Variants in DTD1 observed in about 807,000 individuals in gnomAD.
DTD1 encodes the protein D-aminoacyl-tRNA deacylase 1.
In DTD1, 13 loss-of-function variants were observed where a neutral mutation model predicts 25.6. The ratio of observed to expected loss-of-function variants is 0.51; its 90% confidence interval spans 0.33 to 0.81. The LOEUF is 0.81. Among genes scored for constraint, DTD1 ranks in the 30% least tolerant of loss-of-function variants. DTD1 has a pLI of 0.02. For synonymous variants in DTD1, 110 were observed against 103.6 expected, an observed-to-expected ratio of 1.06 and a Z score of -0.37; for missense variants, 193 against 266.4, an observed-to-expected ratio of 0.72 and a Z score of 1.92.
rs2061373596 is a variant in DTD1, at chr20:18,764,276, A to T, written c.*936A>T. ...CAGATACCCTTTATCCAGTAGCTACATGGTTGTCCATGTATCCAAGTCACC... is the reference window on the plus strand; with the variant it reads ...CAGATACCCTTTATCCAGTAGCTACTTGGTTGTCCATGTATCCAAGTCACC... On this transcript the variant is annotated 3_prime_UTR_variant, in exon 6 of 6. Transcript: ENST00000377452. 1.3e-5 allele frequency: 2 copies of T among 152,198 alleles called. No individual in the cohort carries two copies. Among genetic ancestry groups the T allele is most frequent in the Admixed American group, 1.3e-4 (2 of 15,278 alleles). 9.4% of individuals were successfully genotyped at this position (152,198 alleles called of 1,614,324 possible). A position where few individuals can be genotyped will look rare whatever the true frequency, so the allele number is the denominator to read the frequency against.
intron 4 of DTD1, among the ~76,000 whole-genome samples, chr20:18,694,472 A>T (rs1165738267): frequency 6.6e-6 from 1 of 152,206 alleles, no homozygotes. Context: ...AGCATTGGTG[A>T]GGGCTCCAAA....
At chr20:18,598,839 C>G (rs1480449976) in intron 3 of DTD1, among the ~76,000 whole-genome samples, 2 of 151,828 alleles carry the variant, frequency 1.3e-5, no homozygotes, top group African/African-American at 4.8e-5. Flanking sequence ...CCCTAAAAAT[C>G]CTCTGTGCTC....
At chr20:18,710,386 TTAATTGACAG>T (rs914670011) in intron 4 of DTD1, among the ~76,000 whole-genome samples, 18 of 152,270 alleles carry the variant, frequency 1.2e-4, no homozygotes, top group African/African-American at 4.3e-4. Flanking sequence ...TCTTTTTTTT[TTAATTGACAG>T]TGTTTGAAGG....
chr20:18,677,230 G>A (rs1033869686), intron 4 of DTD1, among the ~76,000 whole-genome samples: 4 of 151,830 alleles, frequency 2.6e-5, no homozygotes, highest in African/African-American at 4.8e-5. Context: ...TCTACAGACC[G>A]AAAGAAAACA....
At chr20:18,625,603 C>T (rs1183941423) in intron 3 of DTD1, among the ~76,000 whole-genome samples, 1 of 152,204 alleles carries the variant, frequency 6.6e-6, no homozygotes, top group Non-Finnish European at 1.5e-5. Flanking sequence ...CACAATCCTG[C>T]GCATCCAGAT....
intron 5 of DTD1, among the ~76,000 whole-genome samples, chr20:18,763,097 G>A (rs980513559): frequency 3.9e-5 from 6 of 152,170 alleles, no homozygotes; most frequent in Non-Finnish European, 5.9e-5. Flanking sequence ...ATTTAGAAGT[G>A]TGTTCAGATA....
At chr20:18,739,432 C>T (rs1467753006) in intron 4 of DTD1, among the ~76,000 whole-genome samples, 2 of 152,160 alleles carry the variant, frequency 1.3e-5, no homozygotes, top group African/African-American at 2.4e-5. Flanking sequence ...ATCACCTGGC[C>T]CCTGGTGGTG....
Position 18,744,273 on chromosome 20 carries a change from T to C in DTD1, c.*19+2T>C. 6.2e-7 allele frequency: 1 copy of C among 1,610,220 alleles called. No homozygotes were observed. Among genetic ancestry groups the C allele is most frequent in the Non-Finnish European group, 8.5e-7 (1 of 1,179,414 alleles). On this transcript the variant is annotated splice_donor_variant, in intron 5 of 5. Transcript: ENST00000377452. LOFTEE classifies it low-confidence loss of function (3UTR_SPLICE). ...CGTAGCTCAGGAGGCAGAATTCAGG[T>C]AGGAGTTTCCCTGCTTGGCTTCATC...
At chr20:18,589,629 T>C (rs1468789398) in intron 1 of DTD1, among the ~76,000 whole-genome samples, 1 of 152,206 alleles carries the variant, frequency 6.6e-6, no homozygotes, top group Non-Finnish European at 1.5e-5. Context: ...GGAAAATTCA[T>C]AGATGAAAGA....
intron 3 of DTD1, among the ~76,000 whole-genome samples, chr20:18,623,907 T>TGTGTGTGTGTGTGTGG (rs1555796269): frequency 6.9e-6 from 1 of 145,966 alleles, no homozygotes; most frequent in African/African-American, 2.5e-5. Flanking sequence ...TGTGTGTGTG[T>TGTGTGTGTGTGTGTGG]AGAGACAGAA....
At chr20:18,681,110 G>A (rs1049306185) in intron 4 of DTD1, among the ~76,000 whole-genome samples, 3 of 152,110 alleles carry the variant, frequency 2.0e-5, no homozygotes, top group African/African-American at 7.2e-5. Context: ...TTTCTACGCC[G>A]GGTGAGTGGT....
At chr20:18,683,718 A>G (rs2061005867) in intron 4 of DTD1, among the ~76,000 whole-genome samples, 1 of 152,160 alleles carries the variant, frequency 6.6e-6, no homozygotes, top group Non-Finnish European at 1.5e-5. Context: ...TTCAACTGTG[A>G]CCTTCTTTGG....
intron 4 of DTD1, among the ~76,000 whole-genome samples, chr20:18,638,828 G>A (rs6035092): frequency 0.84 from 128,169 of 152,102 alleles, 54,823 homozygotes; most frequent in Non-Finnish European, 0.93. Flanking sequence ...GGCAGAGAGG[G>A]CATTTAGGAG....
intron 4 of DTD1, among the ~76,000 whole-genome samples, chr20:18,644,975 A>G (rs950355099): frequency 1.3e-5 from 2 of 152,112 alleles, no homozygotes; most frequent in African/African-American, 4.8e-5. Flanking sequence ...GCAAGACTCC[A>G]TCTCTACAAA....
At chr20:18,755,376 G>A (rs979558930) in intron 5 of DTD1, among the ~76,000 whole-genome samples, 8 of 152,030 alleles carry the variant, frequency 5.3e-5, no homozygotes, top group South Asian at 2.1e-4. Flanking sequence ...CCGTTAACTC[G>A]TCATTTAACA....
rs56350174 is a variant in DTD1, at chr20:18,686,646, C to CTGTGTGTGTG, written c.478-57433_478-57424dup. On this transcript the variant is annotated intron_variant, in intron 4 of 5. Coordinates refer to ENST00000377452, the MANE Select transcript of DTD1 (RefSeq NM_080820.6). Reference sequence around the variant, plus strand: ...AACCTTTTAAACATATATTTATTAGCTGTGTGTGTGTGTGTGTGTGTGTGT... The same window carrying CTGTGTGTGTG: ...AACCTTTTAAACATATATTTATTAGCTGTGTGTGTGTGTGTGTGTGTGTGTGTGTGTGTGT... Among the ~76,000 whole-genome samples, 598 of 149,040 alleles carry CTGTGTGTGTG rather than the reference C, an allele frequency of 4.0e-3. 5 individuals carry two copies. Among genetic ancestry groups the CTGTGTGTGTG allele is most frequent in the African/African-American group, 0.011 (431 of 40,442 alleles).
intron 4 of DTD1, among the ~76,000 whole-genome samples, chr20:18,653,859 A>C (rs6136455): frequency 0.14 from 22,007 of 152,232 alleles, 1,711 homozygotes; most frequent in Admixed American, 0.2. Flanking sequence ...AAACAGTTTT[A>C]AAGTTTCAAA....
At chr20:18,635,078 G>A (rs887505157) in intron 4 of DTD1, among the ~76,000 whole-genome samples, 6 of 152,186 alleles carry the variant, frequency 3.9e-5, no homozygotes, top group Non-Finnish European at 5.9e-5. Context: ...AATTGTGGTT[G>A]GTTTCAGCTT....
In DTD1 at chr20:18,596,094, C is replaced by T. The variant is rs151273800; in HGVS notation, c.223C>T (p.Leu75=). ...KSVMDKQYEI[L]CVSQFTLQCV... ...TGTGATGGACAAACAGTACGAGATT[C>T]TGTGTGTCAGCCAGTTTACCCTCCA... is the stretch of plus-strand genomic sequence containing the variant. Residue 75 remains leucine, a synonymous_variant, in exon 3 of 6, where the codon CTG becomes TTG. Coordinates refer to ENST00000377452, the MANE Select transcript of DTD1 (RefSeq NM_080820.6). The T allele has an allele frequency of 9.9e-5, 159 of 1,614,048 alleles. No individual in the cohort carries two copies. Among genetic ancestry groups the T allele is most frequent in the Non-Finnish European group, 1.3e-4 (156 of 1,180,026 alleles).
Sources: gnomAD v4.1 joint callset for allele counts (sites outside exome capture counted in the v4.1 genomes callset) on GRCh38, gnomAD v4.1.1 for gene constraint, MANE v1.5 for transcripts, NCBI Gene and HGNC (gene_info 2026-07-23, HGNC 2026-07-21) for gene names.